The following NLGN1 variants were observed in gnomAD, a reference collection of about 807,000 sequenced individuals.
NLGN1 encodes the protein neuroligin 1.
A neutral mutation model predicts 65.5 loss-of-function variants in NLGN1; 12 were observed. The ratio of observed to expected loss-of-function variants is 0.18; its 90% CI spans 0.12 to 0.30. The LOEUF is 0.30. Ranked by LOEUF, NLGN1 falls within the 10% of genes least tolerant of loss-of-function variation. The pLI is 1.00. For missense variants in NLGN1, 750 were observed against 1,007.1 expected (o/e 0.74, Z 3.46); for synonymous variants, 350 against 359.5 (o/e 0.97, Z 0.30).
intron 2 of NLGN1, among the ~76,000 whole-genome samples, chr3:173,502,473 C>G (rs1347474599): frequency 6.6e-6 from 1 of 152,038 alleles, no homozygotes; most frequent in Non-Finnish European, 1.5e-5. Flanking sequence ...AGCTACTGTT[C>G]TGATGTTGCC....
At chr3:173,742,928 C>A (rs1321947037) in intron 3 of NLGN1, among the ~76,000 whole-genome samples, 1 of 152,098 alleles carries the variant, frequency 6.6e-6, no homozygotes, top group Admixed American at 6.6e-5. Flanking sequence ...TGTATTATGT[C>A]TATAAAATTA....
intron 2 of NLGN1, among the ~76,000 whole-genome samples, chr3:173,489,547 G>A (rs1341243983): frequency 2.0e-5 from 3 of 152,062 alleles, no homozygotes; most frequent in Admixed American, 1.3e-4. Flanking sequence ...ATAAACATAC[G>A]TGTGCATGTG....
At chr3:174,209,852 C>G (rs139566438) in intron 4 of NLGN1, among the ~76,000 whole-genome samples, 5 of 151,562 alleles carry the variant, frequency 3.3e-5, no homozygotes, top group African/African-American at 1.2e-4. Context: ...AGGCTGGTCT[C>G]GAACTCCTAG....
intron 4 of NLGN1, among the ~76,000 whole-genome samples, chr3:173,853,548 G>A (rs918770249): frequency 1.3e-5 from 2 of 152,046 alleles, no homozygotes; most frequent in African/African-American, 4.8e-5. Context: ...GTAACACTAA[G>A]GAAATTGTAT....
chr3:174,120,882 C>T (rs1717625916), intron 4 of NLGN1, among the ~76,000 whole-genome samples: 1 of 152,166 alleles, frequency 6.6e-6, no homozygotes, highest in Non-Finnish European at 1.5e-5. Context: ...CCAGGCTTCA[C>T]TGCTCACGAC....
intron 4 of NLGN1, among the ~76,000 whole-genome samples, chr3:174,006,182 TC>T (rs1345882037): frequency 6.6e-6 from 1 of 152,148 alleles, no homozygotes; most frequent in African/African-American, 2.4e-5. Context: ...AACTCCCTTC[TC>T]CAATTTCTTG....
intron 4 of NLGN1, among the ~76,000 whole-genome samples, chr3:173,997,595 C>G (rs1452337115): frequency 6.6e-6 from 1 of 151,978 alleles, no homozygotes; most frequent in Non-Finnish European, 1.5e-5. Context: ...GACTGTGTTC[C>G]CGGCAATATT....
chr3:174,168,079 A>C (rs1727864301), intron 4 of NLGN1, among the ~76,000 whole-genome samples: 1 of 151,984 alleles, frequency 6.6e-6, no homozygotes, highest in South Asian at 2.1e-4. Context: ...ACTGAGATTT[A>C]TTTCTTTTTA....
chr3:173,838,357 C>G (rs1217908333), intron 4 of NLGN1, among the ~76,000 whole-genome samples: 3 of 151,874 alleles, frequency 2.0e-5, no homozygotes, highest in Non-Finnish European at 2.9e-5. Flanking sequence ...ACTCGTATTG[C>G]TTTTTGTTTG....
intron 4 of NLGN1, among the ~76,000 whole-genome samples, chr3:173,894,708 G>A (rs1480846094): frequency 6.8e-6 from 1 of 147,936 alleles, no homozygotes; most frequent in Non-Finnish European, 1.5e-5. Flanking sequence ...CACATTATTG[G>A]TTCACTGCAA....
chr3:173,995,662 A>G lies in NLGN1; in HGVS notation c.646+187830A>G, dbSNP rs1248874641. On this transcript the variant is annotated intron_variant, in intron 4 of 6. Transcript: ENST00000457714. ...TTTGTTTTTTTTTTCTTTTTCTTTC[A>G]TTCTTTTTTTTTTTTCTTTCCTTTT... is the stretch of plus-strand genomic sequence containing the variant. 2.1e-5 allele frequency among the ~76,000 whole-genome samples: 3 copies of G among 143,406 alleles called. No individual in the cohort carries two copies. In the Middle Eastern group the frequency reaches 0.011, roughly 509 times the overall value. 94.1% of individuals were successfully genotyped at this position (143,406 alleles called of 152,430 possible).
At chr3:173,670,896 G>T (rs374259061) in intron 3 of NLGN1, among the ~76,000 whole-genome samples, 7 of 152,126 alleles carry the variant, frequency 4.6e-5, no homozygotes, top group African/African-American at 1.7e-4. Flanking sequence ...ATATACAAAA[G>T]GAAAACACAG....
intron 4 of NLGN1, among the ~76,000 whole-genome samples, chr3:174,095,473 G>A (rs1350026934): frequency 6.8e-6 from 1 of 146,222 alleles, no homozygotes; most frequent in African/African-American, 2.6e-5. Context: ...TGATGTGTGT[G>A]TATGCTTGTG....
At chr3:173,500,675 C>T (rs1730937105) in intron 2 of NLGN1, among the ~76,000 whole-genome samples, 1 of 152,032 alleles carries the variant, frequency 6.6e-6, no homozygotes, top group Non-Finnish European at 1.5e-5. Flanking sequence ...GTGAATTCAT[C>T]TGGTCCTGGA....
At chr3:173,669,170 T>A (rs760766401) in intron 3 of NLGN1, among the ~76,000 whole-genome samples, 8 of 152,180 alleles carry the variant, frequency 5.3e-5, no homozygotes, top group Non-Finnish European at 1.2e-4. Context: ...TGACAATAGG[T>A]AGAATGACTT....
chr3:174,100,521 C>T (rs1008793985), intron 4 of NLGN1, among the ~76,000 whole-genome samples: 5 of 143,540 alleles, frequency 3.5e-5, no homozygotes, highest in African/African-American at 1.4e-4. Context: ...CACAAGCCCC[C>T]TTAGGATCTG....
At chr3:174,251,212 T>C (rs926257568) in intron 4 of NLGN1, among the ~76,000 whole-genome samples, 2 of 152,238 alleles carry the variant, frequency 1.3e-5, no homozygotes, top group Non-Finnish European at 2.9e-5. Context: ...TATTTATTAT[T>C]GGATTTTCAG....
intron 2 of NLGN1, among the ~76,000 whole-genome samples, chr3:173,494,769 T>C (rs536601999): frequency 6.6e-6 from 1 of 151,974 alleles, no homozygotes; most frequent in South Asian, 2.1e-4. Flanking sequence ...TAGCACCATT[T>C]TTTAAGAAGA....
chr3:174,235,650 A>G (rs948628919), intron 4 of NLGN1, among the ~76,000 whole-genome samples: 1 of 152,134 alleles, frequency 6.6e-6, no homozygotes, highest in African/African-American at 2.4e-5. Context: ...TTATCTATTT[A>G]TGTTGTTTGT....
Sources: gnomAD v4.1 joint callset for allele counts (sites outside exome capture counted in the v4.1 genomes callset) on GRCh38, gnomAD v4.1.1 for gene constraint, MANE v1.5 for transcripts, NCBI Gene and HGNC (gene_info 2026-07-23, HGNC 2026-07-21) for gene names.